Variants in IMPG1 observed in about 807,000 individuals in gnomAD.
IMPG1 encodes interphotoreceptor matrix proteoglycan 1.
In IMPG1, 85 loss-of-function variants were observed where a neutral mutation model predicts 92.0. That is an observed-to-expected ratio of 0.92 (90% CI 0.78 to 1.11). The LOEUF is 1.11. IMPG1 is among the 50% of genes least tolerant of loss of function. IMPG1 has a pLI of 0.00. For synonymous variants in IMPG1, 367 were observed against 334.1 expected, an observed-to-expected ratio of 1.10 and a Z score of -1.08; for missense variants, 1,022 against 956.0, an observed-to-expected ratio of 1.07 and a Z score of -0.91.
At chr6:76,050,196 T>G (rs1313538575) in intron 1 of IMPG1, among the ~76,000 whole-genome samples, 1 of 152,036 alleles carries the variant, frequency 6.6e-6, no homozygotes, top group Admixed American at 6.5e-5. Context: ...TCCCAGCACT[T>G]TGGGAGGCTG....
chr6:76,032,250 T>A (rs959968972), intron 4 of IMPG1, among the ~76,000 whole-genome samples: 1 of 152,122 alleles, frequency 6.6e-6, no homozygotes, highest in African/African-American at 2.4e-5. Flanking sequence ...TCTGTCAAGG[T>A]TTGGTACATT....
At chr6:75,973,221 C>A (rs1782451244) in intron 12 of IMPG1, among the ~76,000 whole-genome samples, 1 of 152,192 alleles carries the variant, frequency 6.6e-6, no homozygotes, top group South Asian at 2.1e-4. Flanking sequence ...CTCAAGTGAT[C>A]CTTCCACTTC....
chr6:76,038,152 G>C (rs1371666898), intron 2 of IMPG1, among the ~76,000 whole-genome samples: 1 of 152,080 alleles, frequency 6.6e-6, no homozygotes, highest in South Asian at 2.1e-4. Flanking sequence ...ATGGCTGCGG[G>C]GACTGAGGTT....
chr6:75,981,057 G>C (rs1204904808), intron 12 of IMPG1, among the ~76,000 whole-genome samples: 1 of 152,186 alleles, frequency 6.6e-6, no homozygotes, highest in African/African-American at 2.4e-5. Flanking sequence ...GAAATTTAGT[G>C]ATGAAGCACT....
chr6:75,942,358 G>A (rs1238614823), intron 14 of IMPG1, among the ~76,000 whole-genome samples: 1 of 152,100 alleles, frequency 6.6e-6, no homozygotes, highest in Non-Finnish European at 1.5e-5. Flanking sequence ...CTGAATCAGG[G>A]CCGTTCCTGT....
intron 12 of IMPG1, among the ~76,000 whole-genome samples, chr6:75,988,797 C>G (rs1782766949): frequency 6.6e-6 from 1 of 152,116 alleles, no homozygotes. Flanking sequence ...CAGGGAAATG[C>G]CCAAGTTGCA....
chr6:75,973,880 T>C (rs1357961112), intron 12 of IMPG1, among the ~76,000 whole-genome samples: 3 of 152,214 alleles, frequency 2.0e-5, no homozygotes. Context: ...AGCTGATGGA[T>C]CTGCATTTGT....
At chr6:75,987,731 G>A (rs545121156) in intron 12 of IMPG1, among the ~76,000 whole-genome samples, 44 of 150,066 alleles carry the variant, frequency 2.9e-4, no homozygotes, top group African/African-American at 9.8e-4. Context: ...TGCAAACTCC[G>A]CCTCCCGGGT....
chr6:75,949,298 G>A (rs1221662677), intron 13 of IMPG1, among the ~76,000 whole-genome samples: 1 of 152,186 alleles, frequency 6.6e-6, no homozygotes, highest in Non-Finnish European at 1.5e-5. Context: ...AAGTTGCAGT[G>A]AAGAAGCTGG....
chr6:76,034,281 G>A, intron 4 of IMPG1, 34 bp downstream of exon 4: 2 of 1,581,378 alleles, frequency 1.3e-6, no homozygotes, highest in South Asian at 1.1e-5. Flanking sequence ...AAATTCAAAA[G>A]CACACACACA....
At chr6:76,030,711 A>C (rs1344936902) in intron 4 of IMPG1, among the ~76,000 whole-genome samples, 1 of 152,172 alleles carries the variant, frequency 6.6e-6, no homozygotes, top group African/African-American at 2.4e-5. Flanking sequence ...ATCCTTAAAT[A>C]GGCCTCTGAG....
At chr6:75,957,104 G>C (rs1433957477) in intron 12 of IMPG1, among the ~76,000 whole-genome samples, 4 of 152,096 alleles carry the variant, frequency 2.6e-5, no homozygotes, top group Admixed American at 1.3e-4. Context: ...ATTTTTAGTA[G>C]AGATGGGGTT....
chr6:76,044,196 A>G (rs1382793340), intron 1 of IMPG1, among the ~76,000 whole-genome samples: 1 of 152,216 alleles, frequency 6.6e-6, no homozygotes, highest in Non-Finnish European at 1.5e-5. Context: ...GTTAGTACCC[A>G]TTACAGTTAG....
intron 4 of IMPG1, 97 bp downstream of exon 4, chr6:76,034,218 A>G (rs913137266): frequency 8.6e-7 from 1 of 1,159,000 alleles, no homozygotes; most frequent in Non-Finnish European, 1.3e-6. Context: ...AGTGGCTGAC[A>G]TAAAATCCTA....
At chr6:76,043,055 A>G (rs908743839) in intron 1 of IMPG1, among the ~76,000 whole-genome samples, 4 of 152,122 alleles carry the variant, frequency 2.6e-5, no homozygotes, top group Non-Finnish European at 5.9e-5. Context: ...GTTACATATA[A>G]ATGTGAAAGA....
chr6:75,965,728 C>T (rs1782296697), intron 12 of IMPG1, among the ~76,000 whole-genome samples: 1 of 151,516 alleles, frequency 6.6e-6, no homozygotes, highest in Admixed American at 6.6e-5. Flanking sequence ...CTGCCTCAGC[C>T]TCCTGAGTAG....
In IMPG1 at chr6:76,072,468, T is replaced by C. The variant is rs1290444109; in HGVS notation, c.21A>G (p.Arg7=). 5.6e-6 allele frequency: 9 copies of C among 1,595,618 alleles called. No individual in the cohort carries two copies. The highest frequency in any genetic ancestry group is 7.7e-6 in the Non-Finnish European group (9 of 1,168,112). MYLETR[R]AIFVFWIFLQ... is the part of the protein sequence containing the mutation. ...GAAAAATCCAAAAAACAAAAATAGC[T>C]CTTCTAGTTTCCAAATACATTCTGG... Residue 7 remains arginine (R), a synonymous_variant, in exon 1 of 17, where the codon AGA becomes AGG. Coordinates refer to ENST00000369950, the MANE Select transcript of IMPG1 (RefSeq NM_001563.4).
At chr6:75,939,223 A>T (rs1479030449) in intron 14 of IMPG1, among the ~76,000 whole-genome samples, 1 of 152,032 alleles carries the variant, frequency 6.6e-6, no homozygotes, top group Non-Finnish European at 1.5e-5. Context: ...TTATACTTTA[A>T]GTTTTAGGGT....
intron 12 of IMPG1, among the ~76,000 whole-genome samples, chr6:75,994,394 C>T (rs1275738747): frequency 6.6e-6 from 1 of 152,166 alleles, no homozygotes; most frequent in African/African-American, 2.4e-5. Context: ...TCAACCTCTG[C>T]TTTTTTCTGT....
Sources: allele counts gnomAD v4.1 joint callset (sites outside exome capture counted in the v4.1 genomes callset), GRCh38; gene constraint gnomAD v4.1.1; transcripts MANE v1.5; gene names NCBI Gene and HGNC (gene_info 2026-07-23, HGNC 2026-07-21).